LRRC4C: variants seen among roughly 807,000 people sequenced by gnomAD.
The protein encoded by LRRC4C is leucine rich repeat containing 4C.
LRRC4C carries 5 observed loss-of-function variants against 33.6 expected under a neutral mutation model. The observed-to-expected ratio is 0.15, with a 90% confidence interval of 0.08 to 0.31. The LOEUF (loss-of-function observed/expected upper bound fraction) is 0.31. LRRC4C is among the 10% of genes least tolerant of loss of function. The probability of loss-of-function intolerance (pLI) is 1.00; values close to 1 mark genes in which losing one functional copy is unlikely to be tolerated. For missense variants in LRRC4C, 560 were observed against 796.7 expected, an observed-to-expected ratio of 0.70 and a Z score of 3.58; for synonymous variants, 329 against 302.0, an observed-to-expected ratio of 1.09 and a Z score of -0.93.
intron 3 of LRRC4C, among the ~76,000 whole-genome samples, chr11:40,554,760 A>C (rs571736472): frequency 9.7e-5 from 4 of 41,260 alleles, no homozygotes; most frequent in Non-Finnish European, 1.7e-4. Context: ...TTTTTTTTTG[A>C]GACGGGGTCT....
At chr11:41,304,495 C>T (rs867507085) in intron 1 of LRRC4C, among the ~76,000 whole-genome samples, 121 of 106,732 alleles carry the variant, frequency 1.1e-3, no homozygotes, top group Non-Finnish European at 1.8e-3. Context: ...CCCCTCTGCC[C>T]GGCCAGCCGC....
rs963071738 is a variant in LRRC4C, at chr11:40,206,579, T to C, written c.-96+34940A>G. Among the ~76,000 whole-genome samples, 205 of 152,258 alleles carry C rather than the reference T, an allele frequency of 1.3e-3. 1 individual carries two copies. Among genetic ancestry groups the C allele is most frequent in the Non-Finnish European group, 4.6e-4 (31 of 68,022 alleles). ...TCAGGCAGGTTAAGTAATTGTTCAA[T>C]GCAGGATGTGGAAAAATAATCCCTC... On this transcript the variant is annotated intron_variant, in intron 5 of 6. Transcript: ENST00000528697.
At chr11:40,570,359 T>C (rs1021625215) in intron 3 of LRRC4C, among the ~76,000 whole-genome samples, 1 of 152,172 alleles carries the variant, frequency 6.6e-6, no homozygotes, top group Non-Finnish European at 1.5e-5. Context: ...GACCTAACCT[T>C]GCCCAATACA....
chr11:40,795,768 A>G (rs1406928328), intron 2 of LRRC4C, among the ~76,000 whole-genome samples: 1 of 152,176 alleles, frequency 6.6e-6, no homozygotes, highest in Non-Finnish European at 1.5e-5. Context: ...ATTTCAAAAG[A>G]TGTAAGAACT....
chr11:41,411,140 C>CTTTTTTTTTTTTTTTTTTTT (rs1249968357), intron 1 of LRRC4C, among the ~76,000 whole-genome samples: 2 of 49,916 alleles, frequency 4.0e-5, no homozygotes, highest in African/African-American at 1.0e-4. Flanking sequence ...GGTTGGTACC[C>CTTTTTTTTTTTTTTTTTTTT]TATTTTTTTT....
At chr11:41,181,015 G>T (rs1317331100) in intron 1 of LRRC4C, among the ~76,000 whole-genome samples, 2 of 149,598 alleles carry the variant, frequency 1.3e-5, no homozygotes, top group African/African-American at 4.9e-5. Flanking sequence ...TTTGGGAGAA[G>T]AAAAAAAAAG....
chr11:41,382,818 G>A (rs912781667), intron 1 of LRRC4C, among the ~76,000 whole-genome samples: 9 of 152,278 alleles, frequency 5.9e-5, no homozygotes, highest in Middle Eastern at 3.4e-3. Flanking sequence ...GATAGAGGAC[G>A]TCTCTGGTGT....
intron 4 of LRRC4C, among the ~76,000 whole-genome samples, chr11:40,298,418 T>C (rs1439297444): frequency 6.6e-6 from 1 of 150,958 alleles, no homozygotes; most frequent in Non-Finnish European, 1.5e-5. Flanking sequence ...CTATAGTCAC[T>C]GGTGCAACTG....
intron 1 of LRRC4C, among the ~76,000 whole-genome samples, chr11:40,967,581 GT>G (rs1415781108): frequency 6.6e-6 from 1 of 151,922 alleles, no homozygotes; most frequent in African/African-American, 2.4e-5. Flanking sequence ...TATTTCAAAT[GT>G]TTTCATTCTT....
chr11:40,871,281 G>A (rs1428920178), intron 2 of LRRC4C, among the ~76,000 whole-genome samples: 4 of 152,046 alleles, frequency 2.6e-5, no homozygotes, highest in African/African-American at 9.7e-5. Context: ...TGTGAAGCCT[G>A]TGATCTCTGT....
intron 5 of LRRC4C, among the ~76,000 whole-genome samples, chr11:40,240,041 A>G (rs1336463721): frequency 1.3e-5 from 2 of 152,182 alleles, no homozygotes; most frequent in East Asian, 1.9e-4. Context: ...ACTCATACAT[A>G]GGTAACATTT....
rs1406728061 is a variant in LRRC4C at position 40,713,297 on chromosome 11, C to T, written c.-406-65019G>A. Among the ~76,000 whole-genome samples the T allele has an allele frequency of 2.0e-5, 3 of 152,218 alleles. No homozygotes were observed. The East Asian group carries it at 5.8e-4, about 29-fold the overall frequency. Reference sequence around the variant, plus strand: ...CTCTTAAGCAATATTTGAAGTTCTGCTATTTATTTGAAATTTGGACAGAAC... The same window carrying T: ...CTCTTAAGCAATATTTGAAGTTCTGTTATTTATTTGAAATTTGGACAGAAC... On this transcript the variant is annotated intron_variant, in intron 2 of 6. Transcript: ENST00000528697.
At chr11:40,548,918 C>T (rs1181497078) in intron 3 of LRRC4C, among the ~76,000 whole-genome samples, 1 of 152,090 alleles carries the variant, frequency 6.6e-6, no homozygotes, top group Non-Finnish European at 1.5e-5. Flanking sequence ...AATCACAAAG[C>T]TAGCAATTGA....
At chr11:40,159,087 A>G (rs1309903574) in intron 5 of LRRC4C, among the ~76,000 whole-genome samples, 1 of 152,178 alleles carries the variant, frequency 6.6e-6, no homozygotes, top group Non-Finnish European at 1.5e-5. Context: ...GCACATTTCT[A>G]CGTATAGGGA....
intron 1 of LRRC4C, among the ~76,000 whole-genome samples, chr11:40,989,803 A>T (rs1853372846): frequency 6.6e-6 from 1 of 152,168 alleles, no homozygotes; most frequent in Non-Finnish European, 1.5e-5. Context: ...TTAAAGGTAC[A>T]GTCAGCCCTC....
intron 3 of LRRC4C, among the ~76,000 whole-genome samples, chr11:40,426,044 C>T (rs1308362921): frequency 2.7e-5 from 4 of 146,846 alleles, no homozygotes; most frequent in African/African-American, 5.1e-5. Flanking sequence ...GACAGAGTCT[C>T]GCTCTGTCAC....
intron 1 of LRRC4C, among the ~76,000 whole-genome samples, chr11:41,395,590 TA>T (rs774177875): frequency 1.1e-4 from 17 of 151,942 alleles, no homozygotes; most frequent in Non-Finnish European, 2.4e-4. Flanking sequence ...ATATAGGCCT[TA>T]AAAATATGGT....
At chr11:40,248,994 G>C (rs1323702534) in intron 4 of LRRC4C, among the ~76,000 whole-genome samples, 1 of 152,080 alleles carries the variant, frequency 6.6e-6, no homozygotes. Context: ...ATACCCAAGA[G>C]TATCAGGCCA....
At chr11:41,343,435 C>T (rs550992346) in intron 1 of LRRC4C, among the ~76,000 whole-genome samples, 3 of 152,202 alleles carry the variant, frequency 2.0e-5, no homozygotes, top group East Asian at 1.9e-4. Flanking sequence ...ATTTACTGTT[C>T]GAATATTTTC....
Sources: allele counts gnomAD v4.1 joint callset (sites outside exome capture counted in the v4.1 genomes callset), GRCh38; gene constraint gnomAD v4.1.1; transcripts MANE v1.5; gene names NCBI Gene and HGNC (gene_info 2026-07-23, HGNC 2026-07-21).